Variants in IFT27 observed in about 807,000 individuals in gnomAD.
The protein encoded by IFT27 is intraflagellar transport protein 27 homolog.
In IFT27, 19 loss-of-function variants were observed where a neutral mutation model predicts 23.9. The ratio of observed to expected loss-of-function variants is 0.79; its 90% CI spans 0.55 to 1.16. The LOEUF (loss-of-function observed/expected upper bound fraction) is 1.16, where lower values mean the gene tolerates loss of function less well. IFT27 is among the 50% of genes most tolerant of loss of function. The pLI is 0.00. For synonymous variants in IFT27, 91 were observed against 89.1 expected (o/e 1.02, Z -0.12); for missense variants, 206 against 228.7 (o/e 0.90, Z 0.64).
chr22:36,766,449 T>A, intron 3 of IFT27: 1 of 497,762 alleles, frequency 2.0e-6, no homozygotes, highest in Non-Finnish European at 3.7e-6. Context: ...TCTCACCTCT[T>A]GTAACCCTGA....
At chr22:36,772,162 C>A (rs1328385800) in intron 1 of IFT27, among the ~76,000 whole-genome samples, 2 of 152,204 alleles carry the variant, frequency 1.3e-5, no homozygotes, top group African/African-American at 4.8e-5. Context: ...GTGTGGCTAA[C>A]GTGGATCGTT....
chr22:36,769,520 A>T (rs1030980779), intron 1 of IFT27, among the ~76,000 whole-genome samples: 1 of 152,062 alleles, frequency 6.6e-6, no homozygotes, highest in African/African-American at 2.4e-5. Flanking sequence ...ATGACCAGCT[A>T]ATGTTTGTAT....
At position 36,763,937 on chromosome 22, in the gene IFT27, G is replaced by A. The variant is rs141617868; in HGVS notation, c.334C>T (p.Pro112Ser). The A allele has an allele frequency of 1.9e-6, 3 of 1,613,240 alleles. No individual in the cohort carries two copies. Among genetic ancestry groups the A allele is most frequent in the Non-Finnish European group, 2.5e-6 (3 of 1,179,132 alleles). The change falls in exon 5 of 7, where the codon CCA becomes TCA. Residue 112 changes from proline to serine, a missense_variant. Pro to Ser is a moderately conservative substitution (Grantham distance 74). Transcript: ENST00000433985. ...CCCGTACCTGGGAGAGAGATGCCTG[G>A]AGCCTGTGACCGAGCCTTCTCCAGC... The part of the protein sequence containing the change: ...KWLEKARSQA[P>S]GISLPGVLVG...
intron 1 of IFT27, 101 bp from the exon 2 acceptor site, chr22:36,767,963 G>C (rs781676394): frequency 2.0e-5 from 21 of 1,075,774 alleles, no homozygotes; most frequent in Non-Finnish European, 2.6e-5. Flanking sequence ...ACTTCAATGA[G>C]TTTTGAGAGA....
At chr22:36,766,404 G>C in intron 3 of IFT27, 5 of 563,972 alleles carry the variant, frequency 8.9e-6, no homozygotes, top group Admixed American at 6.0e-5. Context: ...GCAGTACGAC[G>C]GGTTCTCGCA....
At chr22:36,774,472 G>A (rs1938453410) in intron 1 of IFT27, among the ~76,000 whole-genome samples, 1 of 152,142 alleles carries the variant, frequency 6.6e-6, no homozygotes, top group Non-Finnish European at 1.5e-5. Flanking sequence ...ACTAGGGGTT[G>A]ACCTTGGCTG....
At chr22:36,763,680 T>A in intron 5 of IFT27, 1 of 592,808 alleles carries the variant, frequency 1.7e-6, no homozygotes, top group Admixed American at 2.7e-5. Context: ...TTATTGAGTC[T>A]CCCCACAGCC....
intron 6 of IFT27, chr22:36,761,331 C>T (rs1372664994): frequency 6.6e-6 from 1 of 152,204 alleles, no homozygotes; most frequent in Non-Finnish European, 1.5e-5. Context: ...TTTGCTAGGG[C>T]ACTACCGCCT....
At chr22:36,758,908 T>TA (rs887849473) in intron 6 of IFT27, 2 of 156,928 alleles carry the variant, frequency 1.3e-5, no homozygotes, top group African/African-American at 4.8e-5. Context: ...AGGAGAGGGC[T>TA]ACCAATGAGA....
intron 6 of IFT27, chr22:36,761,155 C>T (rs897385813): frequency 3.3e-5 from 5 of 152,266 alleles, no homozygotes; most frequent in African/African-American, 1.2e-4. Context: ...TTCAACACCT[C>T]AACAGAGTTT....
chr22:36,767,115 C>CTCCT (rs1309587115), intron 3 of IFT27, 191 bp downstream of exon 3: 4 of 492,440 alleles, frequency 8.1e-6, no homozygotes, highest in African/African-American at 2.0e-5. Flanking sequence ...TCTCCTAGTC[C>CTCCT]TCCTTCCTTC....
At chr22:36,766,764 T>C (rs1420425772) in intron 3 of IFT27, among the ~76,000 whole-genome samples, 1 of 151,956 alleles carries the variant, frequency 6.6e-6, no homozygotes, top group East Asian at 1.9e-4. Context: ...GCTGGTCCCC[T>C]AGGAAATCAC....
rs190494362 is a variant in IFT27, at chr22:36,767,370, C to T, written c.115-5G>A. 2,329 of 1,611,068 alleles carry T rather than the reference C, an allele frequency of 1.4e-3. 6 individuals are homozygous for T. The highest frequency in any genetic ancestry group is 2.6e-3 in the Middle Eastern group (16 of 6,038). On this transcript the variant is annotated splice_polypyrimidine_tract_variant and splice_region_variant and intron_variant, in intron 2 of 6. Transcript: ENST00000433985. ...CACCAAATCCATTCCTGTTGTCTGCCGAGGAACACCAAGAATGTTAGCACT... is the reference window on the plus strand; with the variant it reads ...CACCAAATCCATTCCTGTTGTCTGCTGAGGAACACCAAGAATGTTAGCACT...
chr22:36,761,848 A>C (rs1938099268), intron 6 of IFT27: 1 of 152,228 alleles, frequency 6.6e-6, no homozygotes. Flanking sequence ...TCCTAGATGC[A>C]ATAGCAGAAG....
chr22:36,766,385 C>T, intron 3 of IFT27, 188 bp from the exon 4 acceptor site: 1 of 593,372 alleles, frequency 1.7e-6, no homozygotes, highest in South Asian at 1.9e-5. Context: ...ACTCCAGAGT[C>T]TTAGAGAGGC....
intron 4 of IFT27, among the ~76,000 whole-genome samples, chr22:36,765,096 G>T (rs899715770): frequency 2.0e-5 from 3 of 152,190 alleles, no homozygotes. Context: ...GAGGACCGTG[G>T]ACTAAACTGA....
intron 4 of IFT27, among the ~76,000 whole-genome samples, chr22:36,765,619 C>T (rs369381668): frequency 2.6e-5 from 4 of 152,120 alleles, no homozygotes; most frequent in African/African-American, 4.8e-5. Flanking sequence ...AGACTGTTAC[C>T]GTGGAAGGTA....
At chr22:36,763,849 C>T (rs772130687) in intron 5 of IFT27, 70 bp downstream of exon 5, 1 of 1,117,800 alleles carries the variant, frequency 8.9e-7, no homozygotes, top group South Asian at 1.2e-5. Context: ...GCTACCTCTG[C>T]AATGCCCTTG....
chr22:36,767,227 A>G, intron 3 of IFT27, 79 bp downstream of exon 3: 1 of 1,132,694 alleles, frequency 8.8e-7, no homozygotes, highest in Non-Finnish European at 1.3e-6. Context: ...CATCTCTCCT[A>G]GGGAGGATGG....
Sources: allele counts gnomAD v4.1 joint callset (sites outside exome capture counted in the v4.1 genomes callset), GRCh38; gene constraint gnomAD v4.1.1; transcripts MANE v1.5; gene names NCBI Gene and HGNC (gene_info 2026-07-23, HGNC 2026-07-21).